Variants in NFKB1 observed in about 807,000 individuals in gnomAD.
NFKB1 encodes nuclear factor kappa B subunit 1, also known as nuclear factor NF-kappa-B p105 subunit.
A neutral mutation model predicts 105.1 loss-of-function variants in NFKB1; 9 were observed. The ratio of observed to expected loss-of-function variants is 0.09; its 90% CI spans 0.05 to 0.15. The LOEUF is 0.15. Among genes scored for constraint, NFKB1 ranks in the 10% least tolerant of loss-of-function variants. NFKB1 has a pLI of 1.00. For missense variants in NFKB1, 830 were observed against 1,203.7 expected (o/e 0.69, Z 4.59); for synonymous variants, 440 against 442.2 (o/e 1.00, Z 0.06).
At chr4:102,609,743 G>A (rs182533011) in intron 19 of NFKB1, among the ~76,000 whole-genome samples, 1 of 152,142 alleles carries the variant, frequency 6.6e-6, no homozygotes, top group East Asian at 1.9e-4. Flanking sequence ...CCAGAACTGG[G>A]AGAATAAAAT....
chr4:102,610,748 G>A (rs1420864492), intron 20 of NFKB1, 49 bp downstream of exon 20: 4 of 1,599,942 alleles, frequency 2.5e-6, no homozygotes, highest in Non-Finnish European at 3.4e-6. Context: ...GGAGTCAGAG[G>A]TTCAGGAATG....
At position 102,567,009 on chromosome 4, in the gene NFKB1, C is replaced by G; in HGVS notation, c.281C>G (p.Ala94Gly). 6.2e-7 allele frequency: 1 copy of G among 1,613,948 alleles called. No individual in the cohort carries two copies. Among genetic ancestry groups the G allele is most frequent in the Non-Finnish European group, 8.5e-7 (1 of 1,179,862 alleles). Residue 94 changes from alanine (A) to glycine (G), a missense_variant, in exon 6 of 24, where the codon GCA (alanine) becomes GGA (glycine). Physicochemically the swap from Ala to Gly is moderately conservative, Grantham distance 60. This residue lies in a region of NFKB1 where 64 missense variants were observed against 79.9 expected (regional missense o/e 0.80). Coordinates refer to ENST00000226574, the MANE Select transcript of NFKB1 (RefSeq NM_003998.4). ...QVKICNYVGP[A>G]KVIVQLVTNG... ...TAGATCTGCAACTATGTGGGACCAG[C>G]AAAGGTTATTGTTCAGTTGGTCACA...
chr4:102,525,746 C>A (rs968522406), intron 2 of NFKB1, among the ~76,000 whole-genome samples, 189 bp downstream of exon 2: 1 of 152,110 alleles, frequency 6.6e-6, no homozygotes, highest in Admixed American at 6.6e-5. Context: ...AACTTACACC[C>A]GCTTTCACAC....
intron 15 of NFKB1, among the ~76,000 whole-genome samples, chr4:102,599,867 GTTA>G (rs1371059478): frequency 6.6e-6 from 1 of 150,666 alleles, no homozygotes; most frequent in African/African-American, 2.4e-5. Flanking sequence ...TAAAATGATT[GTTA>G]TTGTTATTGT....
At chr4:102,547,114 A>T (rs1017863615) in intron 5 of NFKB1, among the ~76,000 whole-genome samples, 3 of 152,214 alleles carry the variant, frequency 2.0e-5, no homozygotes, top group Non-Finnish European at 2.9e-5. Context: ...AACAATGAAA[A>T]GCAGAATTAA....
intron 11 of NFKB1, among the ~76,000 whole-genome samples, chr4:102,587,709 A>G (rs1198180473): frequency 2.6e-5 from 4 of 152,144 alleles, no homozygotes; most frequent in Admixed American, 2.0e-4. Context: ...CTGGAGAAAT[A>G]CTTACCCATT....
At chr4:102,603,930 C>G (rs570636223) in intron 16 of NFKB1, among the ~76,000 whole-genome samples, 9 of 152,228 alleles carry the variant, frequency 5.9e-5, no homozygotes, top group African/African-American at 1.7e-4. Context: ...ATTCTCCTTC[C>G]CCCAACATAG....
At chr4:102,543,916 C>T (rs1023111111) in intron 5 of NFKB1, among the ~76,000 whole-genome samples, 1 of 152,096 alleles carries the variant, frequency 6.6e-6, no homozygotes, top group Non-Finnish European at 1.5e-5. Flanking sequence ...TCCATTGAAC[C>T]CCTAAGCTGT....
At chr4:102,614,734 G>A (rs1309304300) in intron 23 of NFKB1, among the ~76,000 whole-genome samples, 3 of 151,840 alleles carry the variant, frequency 2.0e-5, no homozygotes, top group Non-Finnish European at 2.9e-5. Flanking sequence ...ACTTCAGACC[G>A]TCTCCATTCC....
intron 9 of NFKB1, 70 bp downstream of exon 9, chr4:102,580,709 G>C: frequency 8.1e-7 from 1 of 1,237,098 alleles, no homozygotes; most frequent in Non-Finnish European, 1.2e-6. Flanking sequence ...GAGTGTGTCT[G>C]TGAGTCACAT....
chr4:102,550,328 G>A (rs901594383), intron 5 of NFKB1, among the ~76,000 whole-genome samples: 7 of 151,974 alleles, frequency 4.6e-5, no homozygotes, highest in South Asian at 2.1e-4. Flanking sequence ...TCCAGGCATC[G>A]TCTGTCTCTC....
chr4:102,602,108 T>C (rs911549976), intron 16 of NFKB1, among the ~76,000 whole-genome samples: 1 of 152,204 alleles, frequency 6.6e-6, no homozygotes, highest in Non-Finnish European at 1.5e-5. Flanking sequence ...ATAGCAGTGA[T>C]GTGAATCATT....
intron 3 of NFKB1, among the ~76,000 whole-genome samples, chr4:102,530,315 T>A (rs1393227763): frequency 6.6e-6 from 1 of 152,122 alleles, no homozygotes; most frequent in East Asian, 1.9e-4. Context: ...GGAATCAAAG[T>A]GTACAGAAAT....
At chr4:102,578,686 GTCT>G (rs770042264) in intron 7 of NFKB1, 192 bp from the exon 8 acceptor site, 2 of 529,842 alleles carry the variant, frequency 3.8e-6, no homozygotes, top group Non-Finnish European at 3.3e-6. Flanking sequence ...GAAAATGCAG[GTCT>G]TCTTTGATGC....
chr4:102,508,911 A>G (rs933499681), intron 1 of NFKB1, among the ~76,000 whole-genome samples: 1 of 152,226 alleles, frequency 6.6e-6, no homozygotes, highest in Non-Finnish European at 1.5e-5. Context: ...CTCATGGTTG[A>G]GAAATACAAT....
chr4:102,580,436 G>C, intron 8 of NFKB1, 99 bp from the exon 9 acceptor site: 1 of 864,056 alleles, frequency 1.2e-6, no homozygotes, highest in Non-Finnish European at 1.9e-6. Flanking sequence ...TTTAAGCTTT[G>C]TTTTGGTCAT....
chr4:102,600,528 G>GA (rs1339748184), intron 15 of NFKB1, among the ~76,000 whole-genome samples: 1 of 152,180 alleles, frequency 6.6e-6, no homozygotes, highest in Non-Finnish European at 1.5e-5. Context: ...AAGTCAGGGG[G>GA]AAAGGTAGAG....
intron 10 of NFKB1, among the ~76,000 whole-genome samples, chr4:102,583,821 C>A (rs555577589): frequency 1.1e-3 from 153 of 141,658 alleles, no homozygotes; most frequent in African/African-American, 3.9e-3. Flanking sequence ...GGAAACAATC[C>A]AGATATTCAT....
At chr4:102,533,117 A>AG (rs1304234313) in intron 3 of NFKB1, among the ~76,000 whole-genome samples, 2 of 152,222 alleles carry the variant, frequency 1.3e-5, no homozygotes, top group Non-Finnish European at 2.9e-5. Flanking sequence ...TTTAGAACAC[A>AG]GTTTATATGA....
Sources: gnomAD v4.1 joint callset for allele counts (sites outside exome capture counted in the v4.1 genomes callset) on GRCh38, gnomAD v4.1.1 for gene constraint, gnomAD v4.1.1 regional missense constraint, MANE v1.5 for transcripts, NCBI Gene and HGNC (gene_info 2026-07-23, HGNC 2026-07-21) for gene names.